NR6A1: variants seen among roughly 807,000 people sequenced by gnomAD.
NR6A1 encodes nuclear receptor subfamily 6 group A member 1, also known as retinoic acid receptor-related testis-associated receptor.
In NR6A1, 7 loss-of-function variants were observed where a neutral mutation model predicts 59.1. That is an observed-to-expected ratio of 0.12 (90% CI 0.07 to 0.22). NR6A1 has a LOEUF of 0.22. NR6A1 is among the 10% of genes least tolerant of loss of function. The probability of loss-of-function intolerance (pLI) is 1.00; values close to 1 mark genes in which losing one functional copy is unlikely to be tolerated. For synonymous variants in NR6A1, 243 were observed against 236.1 expected (o/e 1.03, Z -0.27); for missense variants, 468 against 611.6 (o/e 0.77, Z 2.48).
intron 2 of NR6A1, among the ~76,000 whole-genome samples, chr9:124,581,370 G>A (rs1834759795): frequency 6.6e-6 from 1 of 152,072 alleles, no homozygotes; most frequent in Admixed American, 6.6e-5. Context: ...CGAGGCAGGC[G>A]GATCACGAGG....
At chr9:124,579,710 T>C (rs1457281763) in intron 2 of NR6A1, among the ~76,000 whole-genome samples, 1 of 151,802 alleles carries the variant, frequency 6.6e-6, no homozygotes, top group Non-Finnish European at 1.5e-5. Context: ...GTCTGATAGG[T>C]TCTTATAAAA....
At chr9:124,604,242 C>T (rs1338025837) in intron 2 of NR6A1, among the ~76,000 whole-genome samples, 2 of 152,282 alleles carry the variant, frequency 1.3e-5, no homozygotes, top group East Asian at 1.9e-4. Context: ...TGGGCACCTC[C>T]ACCTAGATGT....
intron 2 of NR6A1, among the ~76,000 whole-genome samples, chr9:124,725,973 G>A (rs1342029178): frequency 6.6e-6 from 1 of 152,170 alleles, no homozygotes; most frequent in Non-Finnish European, 1.5e-5. Flanking sequence ...CTTGCCAGAT[G>A]TAGCTACTTA....
chr9:124,693,241 T>A (rs1838621325), intron 2 of NR6A1, among the ~76,000 whole-genome samples: 2 of 152,098 alleles, frequency 1.3e-5, no homozygotes, highest in African/African-American at 4.8e-5. Context: ...AGGCTAAGAG[T>A]ACCTATCATG....
intron 2 of NR6A1, among the ~76,000 whole-genome samples, chr9:124,683,663 A>AC (rs1205711539): frequency 6.6e-6 from 1 of 152,168 alleles, no homozygotes; most frequent in Non-Finnish European, 1.5e-5. Flanking sequence ...GCATGGTGGC[A>AC]CCACCTGTAA....
chr9:124,654,525 T>C (rs992479348), intron 2 of NR6A1, among the ~76,000 whole-genome samples: 2 of 152,126 alleles, frequency 1.3e-5, no homozygotes, highest in African/African-American at 4.8e-5. Flanking sequence ...ACATGAGAGC[T>C]CTTGCATTTC....
rs118022604 is a variant in NR6A1 at position 124,600,890 on chromosome 9, G to A, written c.143-46320C>T. Among the ~76,000 whole-genome samples, 851 of 149,116 alleles carry A rather than the reference G, an allele frequency of 5.7e-3. 3 individuals are homozygous for A. Among genetic ancestry groups the A allele is most frequent in the Non-Finnish European group, 7.4e-3 (503 of 67,666 alleles). Reference sequence around the variant, plus strand: ...AGGAAGAAGGAGAAGGAATAAAGACGATCTCAAAAGATTTTGTAATGCCAA... The same window carrying A: ...AGGAAGAAGGAGAAGGAATAAAGACAATCTCAAAAGATTTTGTAATGCCAA... On this transcript the variant is annotated intron_variant, in intron 2 of 9. Transcript: ENST00000487099.
intron 1 of NR6A1, among the ~76,000 whole-genome samples, chr9:124,767,052 G>C (rs1297961057): frequency 1.3e-5 from 2 of 152,086 alleles, no homozygotes; most frequent in African/African-American, 4.8e-5. Context: ...AGCAACAGTT[G>C]GCATTTCTAC....
chr9:124,525,015 G>A, intron 8 of NR6A1, 142 bp from the exon 9 acceptor site: 1 of 961,218 alleles, frequency 1.0e-6, no homozygotes, highest in Non-Finnish European at 1.5e-6. Context: ...TCCTCTGATA[G>A]GGAGGAACTA....
intron 2 of NR6A1, among the ~76,000 whole-genome samples, chr9:124,690,122 A>G (rs944164019): frequency 6.6e-6 from 1 of 152,126 alleles, no homozygotes; most frequent in Non-Finnish European, 1.5e-5. Flanking sequence ...ACCCCCAAAC[A>G]CTTATAGTGA....
chr9:124,595,479 T>A (rs575973527), intron 2 of NR6A1, among the ~76,000 whole-genome samples: 10 of 152,344 alleles, frequency 6.6e-5, no homozygotes, highest in South Asian at 2.1e-4. Flanking sequence ...TTAATTTTTT[T>A]AAAATCACTA....
intron 3 of NR6A1, among the ~76,000 whole-genome samples, chr9:124,553,570 T>C (rs1833843536): frequency 6.8e-6 from 1 of 146,094 alleles, no homozygotes; most frequent in African/African-American, 2.5e-5. Flanking sequence ...TTTTTTTTTT[T>C]TTTTCGTTTT....
At chr9:124,547,690 T>G (rs1222544130) in intron 3 of NR6A1, among the ~76,000 whole-genome samples, 1 of 152,116 alleles carries the variant, frequency 6.6e-6, no homozygotes, top group East Asian at 1.9e-4. Flanking sequence ...TTGCGAAAAA[T>G]GCATAACCTG....
intron 2 of NR6A1, among the ~76,000 whole-genome samples, chr9:124,581,639 C>T (rs1834772030): frequency 6.6e-6 from 1 of 152,088 alleles, no homozygotes. Flanking sequence ...AGTAAACAGA[C>T]AACCTACAGA....
intron 2 of NR6A1, among the ~76,000 whole-genome samples, chr9:124,615,323 C>T (rs1311810541): frequency 1.3e-5 from 2 of 152,108 alleles, no homozygotes; most frequent in African/African-American, 4.8e-5. Flanking sequence ...TGATAATAGG[C>T]CTCTGAGAGG....
At chr9:124,527,545 T>C (rs1451516089) in intron 7 of NR6A1, among the ~76,000 whole-genome samples, 1 of 152,226 alleles carries the variant, frequency 6.6e-6, no homozygotes, top group African/African-American at 2.4e-5. Context: ...CATTTAATTC[T>C]CTCAACCCTA....
In NR6A1 at chr9:124,544,609, T is replaced by C. The variant is rs1833544744; in HGVS notation, c.386-752A>G. ...AGGATTTAGGCAGCCAGGAAAAGAG[T>C]GCTCCAGGTTGAGCGAACAGTGTAC... On this transcript the variant is annotated intron_variant, in intron 3 of 9. Transcript: ENST00000487099. Among the ~76,000 whole-genome samples the C allele has an allele frequency of 5.9e-5, 9 of 152,114 alleles. 1 individual carries two copies. Among genetic ancestry groups the C allele is most frequent in the Admixed American group, 5.9e-4 (9 of 15,266 alleles).
chr9:124,640,406 T>G (rs951698898), intron 2 of NR6A1, among the ~76,000 whole-genome samples: 1 of 152,102 alleles, frequency 6.6e-6, no homozygotes, highest in Non-Finnish European at 1.5e-5. Context: ...CTGTGTTATT[T>G]TGGTTTTGTT....
chr9:124,524,856 T>C lies in NR6A1; in HGVS notation c.1219A>G (p.Ser407Gly), dbSNP rs755433501. The change falls in exon 9 of 10, where the codon AGT (serine) becomes GGT (glycine). Residue 407 changes from serine to glycine, a missense_variant. Physicochemically the swap from Ser to Gly is moderately conservative, Grantham distance 56. Transcript: ENST00000487099. ...FLNQDIRGLT[S>G]ASQLEQLNKR... ...TTCAATTGTTCCAGCTGTGAGGCAC[T>C]GGTCAGACCCCTGATATCTGTGGAA... The C allele has an allele frequency of 8.1e-6, 13 of 1,611,950 alleles. No homozygotes were observed. Among genetic ancestry groups the C allele is most frequent in the Non-Finnish European group, 1.1e-5 (13 of 1,179,512 alleles).
Sources: allele counts gnomAD v4.1 joint callset (sites outside exome capture counted in the v4.1 genomes callset), GRCh38; gene constraint gnomAD v4.1.1; transcripts MANE v1.5; gene names NCBI Gene and HGNC (gene_info 2026-07-23, HGNC 2026-07-21).